Variants in RTF2 observed in about 807,000 individuals in gnomAD.
The protein encoded by RTF2 is replication termination factor 2.
A neutral mutation model predicts 38.0 loss-of-function variants in RTF2; 18 were observed. That is an observed-to-expected ratio of 0.47 (90% CI 0.33 to 0.70). RTF2 has a LOEUF of 0.70. RTF2 is among the 30% of genes least tolerant of loss of function. The pLI is 0.02. For synonymous variants in RTF2, 126 were observed against 137.1 expected (o/e 0.92, Z 0.57); for missense variants, 311 against 379.6 (o/e 0.82, Z 1.50).
In RTF2 at chr20:56,517,955, G is replaced by A. The variant is rs146633419; in HGVS notation, c.743-132G>A. On this transcript the variant is annotated intron_variant, in intron 8 of 8. Transcript: ENST00000357348. The stretch of plus-strand genomic sequence containing the variant: ...TGCTGGAGTTGGCAATTAAGATGAC[G>A]TCCGCCAGCACTCACACAGCCAGCA... The A allele has an allele frequency of 3.6e-3, 2,935 of 816,046 alleles. 70 individuals are homozygous for A. In the African/African-American group the frequency reaches 0.046, roughly 13 times the overall value. 50.6% of individuals were successfully genotyped at this position (816,046 alleles called of 1,614,324 possible).
chr20:56,477,770 G>A (rs201739267), intron 4 of RTF2, among the ~76,000 whole-genome samples: 1 of 152,172 alleles, frequency 6.6e-6, no homozygotes, highest in Non-Finnish European at 1.5e-5. Context: ...CTCCCAAAGC[G>A]CTGGGATAAC....
At chr20:56,491,568 G>T in intron 5 of RTF2, 1 of 1,545,382 alleles carries the variant, frequency 6.5e-7, no homozygotes, top group Non-Finnish European at 8.8e-7. Flanking sequence ...TAGCGGTTCA[G>T]TCTCATATTG....
intron 5 of RTF2, among the ~76,000 whole-genome samples, chr20:56,505,813 C>T (rs191839205): frequency 4.1e-4 from 63 of 152,158 alleles, no homozygotes; most frequent in African/African-American, 1.4e-3. Flanking sequence ...AAGGGTAAAT[C>T]GGCTTTATGT....
intron 4 of RTF2, among the ~76,000 whole-genome samples, chr20:56,480,637 C>T (rs1442843554): frequency 9.9e-5 from 15 of 152,126 alleles, no homozygotes; most frequent in Admixed American, 9.8e-4. Flanking sequence ...TCATTTCTAG[C>T]TTTTGATTTA....
At chr20:56,510,581 C>T (rs1984585953) in intron 5 of RTF2, among the ~76,000 whole-genome samples, 1 of 152,202 alleles carries the variant, frequency 6.6e-6, no homozygotes, top group African/African-American at 2.4e-5. Flanking sequence ...TGCCACCCAA[C>T]TCATAGGGGG....
intron 5 of RTF2, among the ~76,000 whole-genome samples, chr20:56,509,128 T>C (rs773274806): frequency 5.9e-5 from 9 of 152,210 alleles, no homozygotes; most frequent in Non-Finnish European, 1.2e-4. Context: ...TAAAGACCTC[T>C]TAGAACGCAA....
At chr20:56,508,376 T>C (rs1453837419) in intron 5 of RTF2, among the ~76,000 whole-genome samples, 2 of 152,214 alleles carry the variant, frequency 1.3e-5, no homozygotes, top group Non-Finnish European at 2.9e-5. Flanking sequence ...ATGTCTGTTA[T>C]TGCTCTGGGC....
chr20:56,472,377 A>G (rs1219673576), intron 1 of RTF2: 3 of 1,548,020 alleles, frequency 1.9e-6, no homozygotes, highest in Admixed American at 2.0e-5. Flanking sequence ...CAGTGAAGGA[A>G]AAAACAAGAA....
intron 5 of RTF2, among the ~76,000 whole-genome samples, chr20:56,485,095 C>T (rs994034706): frequency 3.9e-5 from 6 of 152,116 alleles, no homozygotes; most frequent in African/African-American, 1.4e-4. Flanking sequence ...GAGAGACCCT[C>T]AAGTAGATGA....
chr20:56,497,989 G>A (rs957565634), intron 5 of RTF2, among the ~76,000 whole-genome samples: 33 of 152,190 alleles, frequency 2.2e-4, no homozygotes, highest in Admixed American at 3.9e-4. Flanking sequence ...CATACTTGCT[G>A]TGGTCAGATG....
At chr20:56,484,237 A>T (rs1366043773) in intron 5 of RTF2, 48 bp downstream of exon 5, 1 of 1,462,098 alleles carries the variant, frequency 6.8e-7, no homozygotes, top group South Asian at 1.1e-5. Flanking sequence ...AGCTGAGGAA[A>T]TCAGATGGTT....
intron 4 of RTF2, 96 bp downstream of exon 4, chr20:56,477,220 G>C (rs1314704688): frequency 1.4e-6 from 2 of 1,424,972 alleles, no homozygotes; most frequent in Admixed American, 2.2e-5. Flanking sequence ...CATGTGGCTT[G>C]CTTTCTGGTG....
chr20:56,484,837 C>T (rs999137442), intron 5 of RTF2, among the ~76,000 whole-genome samples: 2 of 152,152 alleles, frequency 1.3e-5, no homozygotes, highest in Admixed American at 6.5e-5. Context: ...GCTGGCCCAT[C>T]GAAAGCGTGC....
At chr20:56,472,403 C>T in intron 1 of RTF2, 1 of 1,535,910 alleles carries the variant, frequency 6.5e-7, no homozygotes, top group Non-Finnish European at 8.8e-7. Context: ...AGGAGTGGGA[C>T]ATGGAATATG....
At chr20:56,516,705 C>G (rs1985061007) in intron 6 of RTF2, 2 of 584,476 alleles carry the variant, frequency 3.4e-6, no homozygotes, top group South Asian at 4.3e-5. Flanking sequence ...GTGAGCAGCT[C>G]TGTGCAGATA....
At chr20:56,500,154 G>A (rs537353006) in intron 5 of RTF2, among the ~76,000 whole-genome samples, 26 of 150,578 alleles carry the variant, frequency 1.7e-4, no homozygotes, top group African/African-American at 5.6e-4. Context: ...TCCTGGGTTC[G>A]AGCGATTCTC....
chr20:56,495,995 G>A (rs1983503598), intron 5 of RTF2, among the ~76,000 whole-genome samples: 1 of 152,190 alleles, frequency 6.6e-6, no homozygotes, highest in Non-Finnish European at 1.5e-5. Flanking sequence ...GTATCCAGTA[G>A]TATTTATAAA....
chr20:56,469,449 G>A (rs190273791), intron 1 of RTF2, among the ~76,000 whole-genome samples: 64 of 152,344 alleles, frequency 4.2e-4, no homozygotes, highest in African/African-American at 1.4e-3. Flanking sequence ...CGGGGACATT[G>A]AGTCCAGGGA....
chr20:56,499,229 C>T (rs1983759713), intron 5 of RTF2, among the ~76,000 whole-genome samples: 1 of 136,390 alleles, frequency 7.3e-6, no homozygotes, highest in Non-Finnish European at 1.5e-5. Context: ...CGGAGTCTTG[C>T]TCTGTAACTC....
Sources: allele counts gnomAD v4.1 joint callset (sites outside exome capture counted in the v4.1 genomes callset), GRCh38; gene constraint gnomAD v4.1.1; transcripts MANE v1.5; gene names NCBI Gene and HGNC (gene_info 2026-07-23, HGNC 2026-07-21).